PDLIM5: variants seen among roughly 807,000 people sequenced by gnomAD.
PDLIM5 encodes PDZ and LIM domain 5, also known as PDZ and LIM domain protein 5.
Under a neutral mutation model 64.2 loss-of-function variants are expected in PDLIM5, and 34 were observed. The observed-to-expected ratio is 0.53, with a 90% CI of 0.40 to 0.71. PDLIM5 has a LOEUF of 0.71. Ranked by LOEUF, PDLIM5 falls within the 30% of genes least tolerant of loss-of-function variation. PDLIM5 has a pLI of 0.00. For missense variants in PDLIM5, 683 were observed against 733.6 expected, an observed-to-expected ratio of 0.93 and a Z score of 0.80; for synonymous variants, 253 against 269.1, an observed-to-expected ratio of 0.94 and a Z score of 0.59.
At chr4:94,469,278 G>A (rs1724639654) in intron 2 of PDLIM5, among the ~76,000 whole-genome samples, 1 of 152,196 alleles carries the variant, frequency 6.6e-6, no homozygotes, top group African/African-American at 2.4e-5. Flanking sequence ...AATTTAATAA[G>A]GTGATGTGCC....
At chr4:94,579,336 T>G in intron 5 of PDLIM5, 1 of 371,822 alleles carries the variant, frequency 2.7e-6, no homozygotes, top group Non-Finnish European at 5.0e-6. Context: ...TTTCCATATA[T>G]CCTTGCATTA....
intron 10 of PDLIM5, among the ~76,000 whole-genome samples, chr4:94,654,958 C>T (rs771891560): frequency 3.9e-5 from 6 of 152,142 alleles, no homozygotes; most frequent in Non-Finnish European, 7.4e-5. Context: ...ATGAAGAGGT[C>T]GCATAGGACC....
intron 9 of PDLIM5, among the ~76,000 whole-genome samples, chr4:94,647,372 G>A (rs1237306853): frequency 1.3e-5 from 2 of 151,522 alleles, no homozygotes; most frequent in Non-Finnish European, 2.9e-5. Context: ...AGATAAAATC[G>A]ATGTTAAGAC....
chr4:94,518,003 C>T (rs2639795), intron 2 of PDLIM5, among the ~76,000 whole-genome samples: 1 of 152,064 alleles, frequency 6.6e-6, no homozygotes, highest in Non-Finnish European at 1.5e-5. Flanking sequence ...TCCAAGGAAA[C>T]GCAAATAGAG....
At chr4:94,478,909 T>G (rs938341776) in intron 2 of PDLIM5, among the ~76,000 whole-genome samples, 2 of 147,476 alleles carry the variant, frequency 1.4e-5, no homozygotes, top group African/African-American at 2.6e-5. Flanking sequence ...TTTTTTTTTT[T>G]TTTTTTTTAA....
chr4:94,522,965 T>TATAGTGACAAAATATATCTGC (rs1729960153), intron 2 of PDLIM5, among the ~76,000 whole-genome samples: 1 of 152,054 alleles, frequency 6.6e-6, no homozygotes, highest in Non-Finnish European at 1.5e-5. Flanking sequence ...CACTGTCACT[T>TATAGTGACAAAATATATCTGC]AGTATAATAT....
At chr4:94,456,515 T>C (rs557043126) in intron 2 of PDLIM5, 17 of 707,324 alleles carry the variant, frequency 2.4e-5, no homozygotes, top group Non-Finnish European at 4.1e-5. Flanking sequence ...TTTTATACTT[T>C]GCTTTTTTTT....
chr4:94,575,639 A>G lies in PDLIM5; in HGVS notation c.315A>G (p.Lys105=). ...AGGGAGAACCTAAAGAAGTAGTTAAACCTGTGCCCATTACATCTCCTGCTG... is the reference window on the plus strand; with the variant it reads ...AGGGAGAACCTAAAGAAGTAGTTAAGCCTGTGCCCATTACATCTCCTGCTG... ...VQKGEPKEVV[K]PVPITSPAVS... Residue 105 remains lysine, a synonymous_variant, in exon 5 of 13, where the codon AAA becomes AAG. Transcript: ENST00000317968. The G allele has an allele frequency of 6.3e-7, 1 of 1,593,624 alleles. No individual in the cohort carries two copies. The highest frequency in any genetic ancestry group is 8.6e-7 in the Non-Finnish European group (1 of 1,167,218).
At chr4:94,544,479 C>T (rs187283584) in intron 3 of PDLIM5, among the ~76,000 whole-genome samples, 16 of 152,200 alleles carry the variant, frequency 1.1e-4, no homozygotes, top group Admixed American at 4.6e-4. Flanking sequence ...GGCTCAAGAG[C>T]GGTACATATT....
chr4:94,593,569 G>A (rs78007663), intron 7 of PDLIM5, among the ~76,000 whole-genome samples: 1 of 152,078 alleles, frequency 6.6e-6, no homozygotes, highest in Middle Eastern at 3.4e-3. Context: ...TGAAAGCTCT[G>A]GGGTCTCTTC....
At chr4:94,539,078 A>G (rs1731555226) in intron 3 of PDLIM5, among the ~76,000 whole-genome samples, 1 of 152,182 alleles carries the variant, frequency 6.6e-6, no homozygotes, top group Admixed American at 6.5e-5. Context: ...CAGGGCAAGT[A>G]ATAAGTCAGT....
chr4:94,576,551 T>G (rs774507431), intron 5 of PDLIM5, among the ~76,000 whole-genome samples: 3 of 152,216 alleles, frequency 2.0e-5, no homozygotes, highest in African/African-American at 7.2e-5. Flanking sequence ...AGCAGAGAGC[T>G]AACAACATTG....
intron 2 of PDLIM5, among the ~76,000 whole-genome samples, chr4:94,463,273 C>G (rs1724057280): frequency 6.6e-6 from 1 of 152,162 alleles, no homozygotes; most frequent in Non-Finnish European, 1.5e-5. Flanking sequence ...GGGGCACCAA[C>G]CCCCTGTGCA....
At chr4:94,454,488 G>T (rs1055457829) in intron 1 of PDLIM5, among the ~76,000 whole-genome samples, 4 of 152,140 alleles carry the variant, frequency 2.6e-5, no homozygotes, top group Non-Finnish European at 5.9e-5. Flanking sequence ...CACTTTTGCT[G>T]TATTTAGTCA....
chr4:94,639,669 T>C (rs1283398413), intron 8 of PDLIM5, among the ~76,000 whole-genome samples: 1 of 152,194 alleles, frequency 6.6e-6, no homozygotes, highest in Admixed American at 6.5e-5. Flanking sequence ...CTTCAATACA[T>C]TGGGATTTTT....
At chr4:94,493,392 A>G (rs889042108) in intron 2 of PDLIM5, among the ~76,000 whole-genome samples, 8 of 151,536 alleles carry the variant, frequency 5.3e-5, no homozygotes, top group African/African-American at 9.7e-5. Context: ...GCTCACTGCA[A>G]CCTCTGTCTC....
intron 9 of PDLIM5, among the ~76,000 whole-genome samples, chr4:94,649,346 T>G (rs1560765068): frequency 6.6e-6 from 1 of 152,188 alleles, no homozygotes; most frequent in Non-Finnish European, 1.5e-5. Context: ...AGTGATACCC[T>G]GTCATGGCCA....
At chr4:94,622,649 T>TCTCC (rs1176393584) in intron 8 of PDLIM5, among the ~76,000 whole-genome samples, 23 of 143,198 alleles carry the variant, frequency 1.6e-4, no homozygotes, top group Middle Eastern at 3.4e-3. Flanking sequence ...TCCCTCCCTC[T>TCTCC]CTCCCTCCCT....
At chr4:94,547,283 G>A (rs1020063683) in intron 3 of PDLIM5, among the ~76,000 whole-genome samples, 6 of 152,086 alleles carry the variant, frequency 3.9e-5, no homozygotes, top group Admixed American at 3.9e-4. Context: ...AAATTAACGG[G>A]TCGACCTTCC....
Sources: allele counts gnomAD v4.1 joint callset (sites outside exome capture counted in the v4.1 genomes callset), GRCh38; gene constraint gnomAD v4.1.1; transcripts MANE v1.5; gene names NCBI Gene and HGNC (gene_info 2026-07-23, HGNC 2026-07-21).